The following XKR6 variants were observed in gnomAD, a reference collection of about 807,000 sequenced individuals.
XKR6 encodes XK related 6.
Under a neutral mutation model 56.7 loss-of-function variants are expected in XKR6, and 22 were observed. That is an observed-to-expected ratio of 0.39 (90% confidence interval 0.28 to 0.55). The LOEUF is 0.55. XKR6 is among the 20% of genes least tolerant of loss of function. The pLI is 0.66. For missense variants in XKR6, 852 were observed against 889.0 expected, an observed-to-expected ratio of 0.96 and a Z score of 0.53; for synonymous variants, 524 against 387.8, an observed-to-expected ratio of 1.35 and a Z score of -4.13.
chr8:11,183,341 C>G (rs1803097412), intron 1 of XKR6, among the ~76,000 whole-genome samples: 1 of 152,158 alleles, frequency 6.6e-6, no homozygotes, highest in Admixed American at 6.5e-5. Flanking sequence ...CACAAGGGTT[C>G]CAATTTCTCC....
intron 1 of XKR6, among the ~76,000 whole-genome samples, chr8:11,102,529 G>A (rs902323164): frequency 2.0e-5 from 3 of 152,192 alleles, no homozygotes; most frequent in Non-Finnish European, 2.9e-5. Context: ...AAGCAAGAAT[G>A]GAAGGGGACA....
chr8:11,105,739 T>A (rs995952260), intron 1 of XKR6: 1 of 152,194 alleles, frequency 6.6e-6, no homozygotes, highest in Non-Finnish European at 1.5e-5. Context: ...ACCGAAAAGC[T>A]TGATATTCAT....
chr8:10,922,529 T>G (rs1366823244), intron 2 of XKR6, among the ~76,000 whole-genome samples: 1 of 152,264 alleles, frequency 6.6e-6, no homozygotes, highest in Non-Finnish European at 1.5e-5. Context: ...ATGATGCTGG[T>G]CTTGCTCCAG....
At chr8:11,135,490 T>C (rs1355257102) in intron 1 of XKR6, among the ~76,000 whole-genome samples, 1 of 152,228 alleles carries the variant, frequency 6.6e-6, no homozygotes, top group Non-Finnish European at 1.5e-5. Context: ...CAATTAGGAC[T>C]GGAAGACCCA....
At chr8:11,034,228 A>G (rs1799081799) in intron 1 of XKR6, among the ~76,000 whole-genome samples, 1 of 152,218 alleles carries the variant, frequency 6.6e-6, no homozygotes, top group African/African-American at 2.4e-5. Flanking sequence ...AAGGCTGCAC[A>G]GTGTGGGAAA....
intron 1 of XKR6, among the ~76,000 whole-genome samples, chr8:11,143,806 G>C (rs960488996): frequency 6.6e-6 from 1 of 152,114 alleles, no homozygotes; most frequent in African/African-American, 2.4e-5. Context: ...CGACTCTGAG[G>C]GCTACCATAA....
intron 1 of XKR6, among the ~76,000 whole-genome samples, chr8:10,999,148 G>A (rs915110892): frequency 2.6e-5 from 4 of 152,202 alleles, no homozygotes; most frequent in Non-Finnish European, 4.4e-5. Context: ...ATTAATATCA[G>A]GACAGGGATT....
chr8:10,967,176 A>C (rs1441155061), intron 1 of XKR6, among the ~76,000 whole-genome samples: 1 of 152,178 alleles, frequency 6.6e-6, no homozygotes, highest in Non-Finnish European at 1.5e-5. Flanking sequence ...CTGGCAGTGC[A>C]ATCTATGAGA....
At chr8:11,147,069 T>C (rs553347392) in intron 1 of XKR6, among the ~76,000 whole-genome samples, 1 of 151,756 alleles carries the variant, frequency 6.6e-6, no homozygotes, top group South Asian at 2.1e-4. Context: ...GTAGATCTCA[T>C]GTTAGGTGTT....
intron 1 of XKR6, among the ~76,000 whole-genome samples, chr8:11,065,684 G>C: frequency 6.6e-6 from 1 of 151,688 alleles, no homozygotes; most frequent in Non-Finnish European, 1.5e-5. Flanking sequence ...CTCATTCCAC[G>C]TGAACTCCAT....
chr8:10,912,546 G>A (rs918181631), intron 2 of XKR6, among the ~76,000 whole-genome samples: 1 of 144,566 alleles, frequency 6.9e-6, no homozygotes, highest in African/African-American at 2.6e-5. Context: ...TAGAGAAAGA[G>A]AGAGGGTGTG....
intron 1 of XKR6, among the ~76,000 whole-genome samples, chr8:11,135,193 C>A (rs1467737927): frequency 6.6e-6 from 1 of 151,390 alleles, no homozygotes; most frequent in Admixed American, 6.6e-5. Context: ...ACAAGCCTGG[C>A]TAATTTTTTG....
chr8:11,117,476 G>T (rs1799237212), intron 1 of XKR6, among the ~76,000 whole-genome samples: 1 of 152,166 alleles, frequency 6.6e-6, no homozygotes, highest in African/African-American at 2.4e-5. Flanking sequence ...CTGAATGACG[G>T]CGTGGAGACA....
At chr8:10,919,082 T>C (rs1332099992) in intron 2 of XKR6, among the ~76,000 whole-genome samples, 2 of 152,192 alleles carry the variant, frequency 1.3e-5, no homozygotes, top group African/African-American at 4.8e-5. Context: ...GGGTCCCCTA[T>C]GCTTTTCCCA....
chr8:10,930,582 T>G (rs1176689512), intron 1 of XKR6, among the ~76,000 whole-genome samples: 1 of 152,162 alleles, frequency 6.6e-6, no homozygotes, highest in Non-Finnish European at 1.5e-5. Flanking sequence ...CAGTAATATA[T>G]GGAAAGAACA....
chr8:11,194,014 T>C (rs941422119), intron 1 of XKR6, among the ~76,000 whole-genome samples: 81 of 152,296 alleles, frequency 5.3e-4, no homozygotes, highest in African/African-American at 1.8e-3. Context: ...AAAATGTCCC[T>C]ATACATAGGT....
intron 1 of XKR6, among the ~76,000 whole-genome samples, chr8:11,151,601 G>A (rs563380442): frequency 1.1e-4 from 17 of 152,150 alleles, no homozygotes; most frequent in African/African-American, 1.2e-4. Flanking sequence ...AAGCAACGGC[G>A]CAGTCTGGAA....
chr8:11,001,794 G>T (rs1156990186), intron 1 of XKR6, among the ~76,000 whole-genome samples: 1 of 152,222 alleles, frequency 6.6e-6, no homozygotes, highest in East Asian at 1.9e-4. Flanking sequence ...CCAGTGGGCA[G>T]AGCAGCCCAG....
At position 10,982,917 on chromosome 8, in the gene XKR6, A is replaced by G. The variant is rs557362582; in HGVS notation, c.765-58087T>C. Among the ~76,000 whole-genome samples the G allele has an allele frequency of 3.9e-5, 6 of 152,298 alleles. No individual in the cohort carries two copies. In the East Asian group the frequency reaches 1.2e-3, roughly 29 times the overall value. On this transcript the variant is annotated intron_variant, in intron 1 of 2. Transcript: ENST00000416569. Reference sequence around the variant, plus strand: ...GGACAGCTGGCTCCACTGGGACCCCATTTCCGCTCCTTCCTAGCTATATGG... The same window carrying G: ...GGACAGCTGGCTCCACTGGGACCCCGTTTCCGCTCCTTCCTAGCTATATGG...
Sources: allele counts gnomAD v4.1 joint callset (sites outside exome capture counted in the v4.1 genomes callset), GRCh38; gene constraint gnomAD v4.1.1; transcripts MANE v1.5; gene names NCBI Gene and HGNC (gene_info 2026-07-23, HGNC 2026-07-21).